The following CACNA2D1 variants were observed in gnomAD, a reference collection of about 807,000 sequenced individuals.
CACNA2D1 encodes calcium voltage-gated channel auxiliary subunit alpha2delta 1, also known as voltage-dependent calcium channel subunit alpha-2/delta-1.
A neutral mutation model predicts 171.5 loss-of-function variants in CACNA2D1; 53 were observed. The observed-to-expected ratio is 0.31, with a 90% CI of 0.25 to 0.39. CACNA2D1 has a LOEUF of 0.39. CACNA2D1 is among the 10% of genes least tolerant of loss of function. CACNA2D1 has a pLI of 1.00. For synonymous variants in CACNA2D1, 442 were observed against 443.1 expected, an observed-to-expected ratio of 1.00 and a Z score of 0.03; for missense variants, 903 against 1,299.8, an observed-to-expected ratio of 0.69 and a Z score of 4.69.
At chr7:82,302,144 C>T (rs1813090462) in intron 3 of CACNA2D1, among the ~76,000 whole-genome samples, 1 of 152,144 alleles carries the variant, frequency 6.6e-6, no homozygotes, top group African/African-American at 2.4e-5. Flanking sequence ...ATTGAAATAA[C>T]AAAATCTACA....
intron 6 of CACNA2D1, among the ~76,000 whole-genome samples, chr7:82,109,986 T>C (rs1439316564): frequency 6.6e-6 from 1 of 152,228 alleles, no homozygotes; most frequent in Non-Finnish European, 1.5e-5. Flanking sequence ...CCCAGGATTG[T>C]ACATGTTTAA....
At chr7:82,198,028 A>T (rs1425420479) in intron 3 of CACNA2D1, among the ~76,000 whole-genome samples, 1 of 152,132 alleles carries the variant, frequency 6.6e-6, no homozygotes, top group Non-Finnish European at 1.5e-5. Flanking sequence ...CAGAGAGAGG[A>T]ATCCCAGTCC....
intron 3 of CACNA2D1, among the ~76,000 whole-genome samples, chr7:82,309,314 G>A (rs920800963): frequency 6.6e-5 from 10 of 152,062 alleles, no homozygotes; most frequent in African/African-American, 2.4e-4. Context: ...GTTGAGGCAG[G>A]AGAATTTCTT....
chr7:82,156,507 G>C (rs867586431), intron 4 of CACNA2D1, among the ~76,000 whole-genome samples: 1 of 151,884 alleles, frequency 6.6e-6, no homozygotes, highest in African/African-American at 2.4e-5. Flanking sequence ...CTCTACATTC[G>C]CAAGTAATAT....
chr7:82,213,133 T>TCAG (rs929645163), intron 3 of CACNA2D1, among the ~76,000 whole-genome samples: 4 of 152,242 alleles, frequency 2.6e-5, no homozygotes, highest in African/African-American at 9.6e-5. Flanking sequence ...ATTCCTGATC[T>TCAG]CAGGTGATCC....
chr7:82,106,778 T>C (rs919529620), intron 6 of CACNA2D1, among the ~76,000 whole-genome samples: 1 of 152,116 alleles, frequency 6.6e-6, no homozygotes, highest in Non-Finnish European at 1.5e-5. Flanking sequence ...CTCTGAGAAG[T>C]ACTTGTGGAA....
In CACNA2D1 at chr7:82,176,312, C is replaced by T. The variant is rs7785160; in HGVS notation, c.295-5703G>A. On this transcript the variant is annotated intron_variant, in intron 3 of 38. Coordinates refer to ENST00000356860, the MANE Select transcript of CACNA2D1 (RefSeq NM_000722.4). ...AGGTAAAATGTTCTTTTTCCAATAA[C>T]CTTAACTAGATAATGGGAAACAATG... is the stretch of plus-strand genomic sequence containing the variant. Among the ~76,000 whole-genome samples, 427 of 151,918 alleles carry T rather than the reference C, an allele frequency of 2.8e-3. 3 individuals are homozygous for T. Among genetic ancestry groups the T allele is most frequent in the African/African-American group, 9.7e-3 (403 of 41,488 alleles).
chr7:82,181,080 G>A (rs78690836), intron 3 of CACNA2D1, among the ~76,000 whole-genome samples: 3,862 of 48,966 alleles, frequency 0.079, 136 homozygotes, highest in Non-Finnish European at 0.11. Context: ...TTTTTTTTGC[G>A]TCAGTGAGAT....
chr7:82,281,253 T>A (rs1007825912), intron 3 of CACNA2D1, among the ~76,000 whole-genome samples: 5 of 152,166 alleles, frequency 3.3e-5, no homozygotes, highest in Non-Finnish European at 5.9e-5. Context: ...CTTGAACCAG[T>A]TTTTCTAGAC....
chr7:82,241,037 G>T (rs903782681), intron 3 of CACNA2D1, among the ~76,000 whole-genome samples: 1 of 151,770 alleles, frequency 6.6e-6, no homozygotes, highest in African/African-American at 2.4e-5. Flanking sequence ...AATATTTTAC[G>T]ATTTTAACTG....
At position 82,437,636 on chromosome 7, in the gene CACNA2D1, A is replaced by G. The variant is rs1830204503; in HGVS notation, c.95+5729T>C. On this transcript the variant is annotated intron_variant, in intron 1 of 38. Transcript: ENST00000356860. ...TTCTGAATTATTGAAATTAACTATA[A>G]AAAGTGTGCCGGTTTGTTGAGGCCA... is the stretch of plus-strand genomic sequence containing the variant. 3.9e-5 allele frequency among the ~76,000 whole-genome samples: 6 copies of G among 152,178 alleles called. No individual in the cohort carries two copies. In the South Asian group the frequency reaches 8.3e-4, roughly 21 times the overall value.
At chr7:82,250,907 A>G (rs1805550680) in intron 3 of CACNA2D1, among the ~76,000 whole-genome samples, 2 of 152,160 alleles carry the variant, frequency 1.3e-5, no homozygotes, top group South Asian at 4.1e-4. Context: ...AGAATATCTC[A>G]GGACTTGATT....
At chr7:82,087,815 C>T (rs1052112152) in intron 6 of CACNA2D1, among the ~76,000 whole-genome samples, 1 of 152,062 alleles carries the variant, frequency 6.6e-6, no homozygotes, top group Non-Finnish European at 1.5e-5. Flanking sequence ...ATGCTATTAG[C>T]ACACTCAGGA....
At chr7:82,074,498 G>C (rs1362402574) in intron 7 of CACNA2D1, among the ~76,000 whole-genome samples, 2 of 152,220 alleles carry the variant, frequency 1.3e-5, no homozygotes, top group East Asian at 3.9e-4. Flanking sequence ...AAACTGCTGG[G>C]ATTACAGGCA....
At chr7:81,958,113 A>C (rs528496157) in intron 38 of CACNA2D1, among the ~76,000 whole-genome samples, 41 of 151,898 alleles carry the variant, frequency 2.7e-4, no homozygotes, top group Admixed American at 8.5e-4. Context: ...GAAAAAAAAA[A>C]CGCTTAGTTG....
chr7:82,065,339 AAT>A (rs1807477483), intron 8 of CACNA2D1, among the ~76,000 whole-genome samples: 1 of 152,118 alleles, frequency 6.6e-6, no homozygotes, highest in Non-Finnish European at 1.5e-5. Context: ...CTAGTATCTT[AAT>A]GCTGGTCCAG....
chr7:82,132,665 C>G (rs1359129264), intron 5 of CACNA2D1, among the ~76,000 whole-genome samples: 2 of 152,082 alleles, frequency 1.3e-5, no homozygotes, highest in Non-Finnish European at 1.5e-5. Context: ...GGAGAAGAAC[C>G]TTGAGGGCTG....
intron 3 of CACNA2D1, among the ~76,000 whole-genome samples, chr7:82,205,178 C>T (rs1359262598): frequency 6.6e-6 from 1 of 152,150 alleles, no homozygotes; most frequent in Non-Finnish European, 1.5e-5. Context: ...TCCACCCACT[C>T]CCCTTGGTCC....
intron 3 of CACNA2D1, among the ~76,000 whole-genome samples, chr7:82,246,123 T>C (rs1207520526): frequency 1.3e-5 from 2 of 151,784 alleles, no homozygotes; most frequent in African/African-American, 4.8e-5. Context: ...ATGTTTATTG[T>C]AGAAAAAAAA....
Sources: allele counts gnomAD v4.1 joint callset (sites outside exome capture counted in the v4.1 genomes callset), GRCh38; gene constraint gnomAD v4.1.1; transcripts MANE v1.5; gene names NCBI Gene and HGNC (gene_info 2026-07-23, HGNC 2026-07-21).